NYAP2: variants seen among roughly 807,000 people sequenced by gnomAD.
NYAP2 encodes neuronal tyrosine-phosphorylated phosphoinositide-3-kinase adapter 2.
A neutral mutation model predicts 50.4 loss-of-function variants in NYAP2; 23 were observed. That is an observed-to-expected ratio of 0.46 (90% CI 0.33 to 0.65). NYAP2 has a LOEUF of 0.65. NYAP2 is among the 30% of genes least tolerant of loss of function. The pLI, the probability that NYAP2 is intolerant of heterozygous loss-of-function variation, is 0.02. For synonymous variants in NYAP2, 394 were observed against 365.2 expected, an observed-to-expected ratio of 1.08 and a Z score of -0.90; for missense variants, 885 against 861.0, an observed-to-expected ratio of 1.03 and a Z score of -0.35.
chr2:225,401,384 TA>T (rs537661945), intron 2 of NYAP2, among the ~76,000 whole-genome samples: 4 of 152,234 alleles, frequency 2.6e-5, no homozygotes, highest in African/African-American at 9.6e-5. Context: ...GCTAGCTATT[TA>T]TCCGCTATTC....
chr2:225,552,813 G>A (rs1423456836), intron 4 of NYAP2, among the ~76,000 whole-genome samples: 4 of 152,062 alleles, frequency 2.6e-5, no homozygotes, highest in Non-Finnish European at 2.9e-5. Flanking sequence ...TCAGCCTCCC[G>A]AGTAGCTGGG....
At chr2:225,563,868 C>T (rs1328208401) in intron 4 of NYAP2, among the ~76,000 whole-genome samples, 3 of 151,992 alleles carry the variant, frequency 2.0e-5, no homozygotes, top group Non-Finnish European at 4.4e-5. Flanking sequence ...AATATCCCAT[C>T]CTGACTTTGA....
At chr2:225,404,527 T>C (rs1694908903) in intron 2 of NYAP2, among the ~76,000 whole-genome samples, 1 of 151,982 alleles carries the variant, frequency 6.6e-6, no homozygotes, top group Admixed American at 6.6e-5. Flanking sequence ...AGAAAATTGT[T>C]AACTCAATAA....
intron 3 of NYAP2, among the ~76,000 whole-genome samples, chr2:225,494,547 C>T (rs1004914449): frequency 1.6e-4 from 24 of 152,118 alleles, no homozygotes; most frequent in African/African-American, 5.8e-4. Flanking sequence ...AAAGAAGATA[C>T]CAGATATCAA....
chr2:225,644,956 G>T (rs115434609), intron 6 of NYAP2, among the ~76,000 whole-genome samples: 2 of 152,110 alleles, frequency 1.3e-5, no homozygotes, highest in Non-Finnish European at 2.9e-5. Context: ...AGCAATGAAA[G>T]TTTATTAGGA....
chr2:225,441,279 A>G (rs1024198310), intron 3 of NYAP2, among the ~76,000 whole-genome samples: 2 of 152,344 alleles, frequency 1.3e-5, no homozygotes, highest in African/African-American at 4.8e-5. Context: ...AACTGGGAAA[A>G]TGATAGAATA....
At chr2:225,458,060 GAA>G (rs1226173942) in intron 3 of NYAP2, among the ~76,000 whole-genome samples, 2 of 147,734 alleles carry the variant, frequency 1.4e-5, no homozygotes, top group Non-Finnish European at 3.0e-5. Flanking sequence ...CGATACTTAA[GAA>G]AAAAAAACGA....
At chr2:225,483,359 A>G (rs1314140727) in intron 3 of NYAP2, among the ~76,000 whole-genome samples, 2 of 152,196 alleles carry the variant, frequency 1.3e-5, no homozygotes, top group Admixed American at 6.5e-5. Flanking sequence ...ATGTAAATAC[A>G]TAAATAATGG....
At chr2:225,651,716 G>C in exon 7 of NYAP2, 1 of 780,052 alleles carries the variant, frequency 1.3e-6, no homozygotes. Flanking sequence ...ATTTGAAAAA[G>C]AATATCTTTC....
At chr2:225,598,778 T>G (rs1184325208) in intron 5 of NYAP2, among the ~76,000 whole-genome samples, 2 of 152,220 alleles carry the variant, frequency 1.3e-5, no homozygotes, top group Non-Finnish European at 2.9e-5. Flanking sequence ...TTTTCAAAAT[T>G]AATGGCTTTC....
Position 225,582,832 on chromosome 2 carries a change from T to C in NYAP2, c.1415T>C (p.Val472Ala). 6.2e-7 allele frequency: 1 copy of C among 1,613,884 alleles called. No individual in the cohort carries two copies. Among genetic ancestry groups the C allele is most frequent in the Non-Finnish European group, 8.5e-7 (1 of 1,179,882 alleles). ...AGCCTCTCAAGGAGCTCTCCTTCAGTGCCTCACTCGACCCCCAGACCCGTG... is the reference window on the plus strand; with the variant it reads ...AGCCTCTCAAGGAGCTCTCCTTCAGCGCCTCACTCGACCCCCAGACCCGTG... Residue 472 changes from valine to alanine, a missense_variant, in exon 5 of 7, where the codon GTG (valine) becomes GCG (alanine). Val to Ala is a moderately conservative substitution (Grantham distance 64). Transcript: ENST00000636099. This position sits in a 1 kb window ranked among gnomAD's most constrained non-coding sequence, Gnocchi z 7.0.
chr2:225,471,697 C>A (rs79984759), intron 3 of NYAP2, among the ~76,000 whole-genome samples: 1 of 152,172 alleles, frequency 6.6e-6, no homozygotes, highest in South Asian at 2.1e-4. Context: ...GTAATCTCCA[C>A]GCATTCCCTG....
the NYAP2 span, among the ~76,000 whole-genome samples, chr2:225,673,235 A>G: frequency 3.3e-5 from 5 of 152,036 alleles, no homozygotes; most frequent in Non-Finnish European, 7.4e-5. Flanking sequence ...CCATGCTTCA[A>G]TTACCTCCCA....
intron 6 of NYAP2, among the ~76,000 whole-genome samples, chr2:225,643,572 C>T (rs1223626253): frequency 2.0e-5 from 3 of 151,364 alleles, no homozygotes; most frequent in Admixed American, 1.3e-4. Flanking sequence ...TTAGGTATAT[C>T]TCCCAATGCT....
At chr2:225,501,659 A>G (rs1315599313) in intron 3 of NYAP2, among the ~76,000 whole-genome samples, 1 of 152,242 alleles carries the variant, frequency 6.6e-6, no homozygotes, top group Non-Finnish European at 1.5e-5. Flanking sequence ...TTAGCTAATC[A>G]TACCTAAGCC....
At chr2:225,417,101 C>T (rs1192463119) in intron 3 of NYAP2, among the ~76,000 whole-genome samples, 1 of 152,060 alleles carries the variant, frequency 6.6e-6, no homozygotes, top group African/African-American at 2.4e-5. Context: ...TAAAGATGGC[C>T]TTTGTAAAAT....
the NYAP2 span, among the ~76,000 whole-genome samples, chr2:225,659,452 A>T: frequency 6.6e-6 from 1 of 152,190 alleles, no homozygotes; most frequent in African/African-American, 2.4e-5. Flanking sequence ...TACAGTCCTC[A>T]CTGATGGGTA....
At chr2:225,486,957 T>C (rs1393133096) in intron 3 of NYAP2, among the ~76,000 whole-genome samples, 1 of 152,168 alleles carries the variant, frequency 6.6e-6, no homozygotes, top group Non-Finnish European at 1.5e-5. Flanking sequence ...AGAACACCAC[T>C]GGGATTGGAA....
At chr2:225,547,777 C>T (rs1178038451) in intron 4 of NYAP2, among the ~76,000 whole-genome samples, 1 of 152,188 alleles carries the variant, frequency 6.6e-6, no homozygotes, top group Non-Finnish European at 1.5e-5. Context: ...CAGGTGCTAT[C>T]ATTGCTCACC....
Sources: gnomAD v4.1 joint callset for allele counts (sites outside exome capture counted in the v4.1 genomes callset) on GRCh38, gnomAD v4.1.1 for gene constraint, Gnocchi (gnomAD v3.1) non-coding constraint, MANE v1.5 for transcripts, NCBI Gene and HGNC (gene_info 2026-07-23, HGNC 2026-07-21) for gene names.